Variants in BMS1 observed in about 807,000 individuals in gnomAD.
BMS1 encodes ribosome biogenesis protein BMS1 homolog.
In BMS1, 53 loss-of-function variants were observed where a neutral mutation model predicts 138.7. The observed-to-expected ratio is 0.38, with a 90% CI of 0.31 to 0.48. The LOEUF (loss-of-function observed/expected upper bound fraction) is 0.48. BMS1 is among the 20% of genes least tolerant of loss of function. The pLI, the probability that BMS1 is intolerant of heterozygous loss-of-function variation, is 0.97. For missense variants in BMS1, 1,360 were observed against 1,565.5 expected (o/e 0.87, Z 2.22); for synonymous variants, 504 against 539.9 (o/e 0.93, Z 0.92).
At chr10:42,796,231 T>G (rs1406560858) in intron 9 of BMS1, among the ~76,000 whole-genome samples, 4 of 152,258 alleles carry the variant, frequency 2.6e-5, no homozygotes, top group Non-Finnish European at 5.9e-5. Flanking sequence ...ATTTTTGTTT[T>G]TTAAGGGTTA....
At chr10:42,786,693 T>A (rs1318251965) in intron 3 of BMS1, among the ~76,000 whole-genome samples, 1 of 152,140 alleles carries the variant, frequency 6.6e-6, no homozygotes, top group Non-Finnish European at 1.5e-5. Flanking sequence ...CCCAAGTTGC[T>A]GGGACTACAG....
At chr10:42,830,158 A>G (rs10900276) in intron 21 of BMS1, 103 bp from the exon 22 acceptor site, 555,087 of 1,333,088 alleles carry the variant, frequency 0.42, 119,525 homozygotes, top group African/African-American at 0.6. Context: ...TGGTGTTACT[A>G]ATCTTGTGGA....
intron 9 of BMS1, among the ~76,000 whole-genome samples, chr10:42,796,203 AT>A (rs1158767414): frequency 6.6e-6 from 1 of 152,118 alleles, no homozygotes; most frequent in Non-Finnish European, 1.5e-5. Flanking sequence ...CTTTTGAGCA[AT>A]TTTTTTCTAA....
chr10:42,790,565 C>T, intron 5 of BMS1, 54 bp downstream of exon 5: 2 of 1,580,118 alleles, frequency 1.3e-6, no homozygotes, highest in Non-Finnish European at 1.7e-6. Context: ...TTAAAATAGA[C>T]TGAAGAGGCC....
In BMS1 at chr10:42,784,521, A is replaced by G. The variant is rs754826399; in HGVS notation, c.127A>G (p.Lys43Glu). The G allele has an allele frequency of 6.2e-7, 1 of 1,613,982 alleles. No homozygotes were observed. The highest frequency in any genetic ancestry group is 8.5e-7 in the Non-Finnish European group (1 of 1,179,856). ...AGAAGATGCCCGGAAGAGAAATCCCAAAGCTTTTGCAGTTCAGTCTGCTGT... is the reference window on the plus strand; with the variant it reads ...AGAAGATGCCCGGAAGAGAAATCCCGAAGCTTTTGCAGTTCAGTCTGCTGT... ...DEEDARKRNP[K>E]AFAVQSAVRM... Residue 43 changes from lysine to glutamate, a missense_variant, in exon 2 of 23, where the codon AAA (lysine) becomes GAA (glutamate). Around this residue, in one of 3 missense-constraint regions of BMS1, gnomAD observed 238 missense variants for 311.1 expected, o/e 0.77. Coordinates refer to ENST00000374518, the MANE Select transcript of BMS1 (RefSeq NM_014753.4).
At chr10:42,805,693 C>A (rs1053131672) in intron 13 of BMS1, among the ~76,000 whole-genome samples, 2 of 152,112 alleles carry the variant, frequency 1.3e-5, no homozygotes, top group Admixed American at 6.6e-5. Flanking sequence ...ATACAACTCT[C>A]AACAGTTTAT....
chr10:42,825,043 C>G (rs1260464428), intron 21 of BMS1, among the ~76,000 whole-genome samples: 1 of 152,086 alleles, frequency 6.6e-6, no homozygotes, highest in African/African-American at 2.4e-5. Context: ...AAGTCTCACT[C>G]TGTCGCCCAA....
At chr10:42,794,650 C>T (rs760212829) in intron 9 of BMS1, among the ~76,000 whole-genome samples, 3 of 151,620 alleles carry the variant, frequency 2.0e-5, no homozygotes, top group Non-Finnish European at 2.9e-5. Context: ...AATGGGATTA[C>T]TAGCTATTTT....
At position 42,820,408 on chromosome 10, in the gene BMS1, A is replaced by G. The variant is rs528987948; in HGVS notation, c.2753A>G (p.Asn918Ser). The G allele has an allele frequency of 1.1e-5, 18 of 1,613,762 alleles. No homozygotes were observed. The South Asian group carries it at 1.8e-4, about 16-fold the overall frequency. ...ILGGLGNSEG[N>S]VGYVQMRLKK... The stretch of plus-strand genomic sequence containing the variant: ...GGTGGCTTGGGCAACAGTGAGGGAA[A>G]TGTTGGCTACGTGCAGGTGGGTCCC... Residue 918 changes from asparagine (N) to serine (S), a missense_variant, in exon 16 of 23, where the codon AAT (asparagine) becomes AGT (serine). Asn to Ser is a conservative substitution (Grantham distance 46). Around this residue, in one of 3 missense-constraint regions of BMS1, gnomAD observed 425 missense variants for 568.3 expected, o/e 0.75. Coordinates refer to ENST00000374518, the MANE Select transcript of BMS1 (RefSeq NM_014753.4).
In BMS1 at chr10:42,823,753, G is replaced by A. The variant is rs1349527958; in HGVS notation, c.3425G>A (p.Arg1142Lys). 1.3e-6 allele frequency: 2 copies of A among 1,594,028 alleles called. No homozygotes were observed. The highest frequency in any genetic ancestry group is 2.7e-5 in the African/African-American group (2 of 74,876). Residue 1142 changes from arginine to lysine, a missense_variant, in exon 21 of 23, where the codon AGA becomes AAA. By Grantham distance (26) the Arg-to-Lys change is conservative. This residue lies in a region of BMS1 where 425 missense variants were observed against 568.3 expected (regional missense o/e 0.75). Coordinates refer to ENST00000374518, the MANE Select transcript of BMS1 (RefSeq NM_014753.4). ...CAACTCAGGCTCGCCCATGGCGTCA[G>A]ACTAAAGGCGAACAAGGACTCTCTG... ...TGQLRLAHGV[R>K]LKANKDSLYK...
chr10:42,827,676 A>T (rs1264806040), intron 21 of BMS1, among the ~76,000 whole-genome samples: 1 of 152,038 alleles, frequency 6.6e-6, no homozygotes, highest in Non-Finnish European at 1.5e-5. Context: ...TGGGGGGCAG[A>T]TATTTCCTTC....
chr10:42,818,388 G>A (rs1426330749), intron 15 of BMS1, among the ~76,000 whole-genome samples: 1 of 152,208 alleles, frequency 6.6e-6, no homozygotes, highest in Non-Finnish European at 1.5e-5. Flanking sequence ...GTCCTTGGAG[G>A]GTTTTGAGCA....
intron 21 of BMS1, among the ~76,000 whole-genome samples, chr10:42,824,434 C>T (rs1842584141): frequency 6.6e-6 from 1 of 152,154 alleles, no homozygotes; most frequent in Admixed American, 6.5e-5. Flanking sequence ...TCTATAGGTT[C>T]CCTTTTCATT....
chr10:42,790,298 G>C, intron 4 of BMS1, 25 bp from the exon 5 acceptor site: 1 of 1,611,566 alleles, frequency 6.2e-7, no homozygotes, highest in Non-Finnish European at 8.5e-7. Context: ...TAGTTTCTTT[G>C]AGAAATTATG....
At chr10:42,810,942 T>C (rs1471631913) in intron 13 of BMS1, among the ~76,000 whole-genome samples, 1 of 152,192 alleles carries the variant, frequency 6.6e-6, no homozygotes, top group East Asian at 1.9e-4. Flanking sequence ...TCGTAAAATT[T>C]ATTAATTTTG....
chr10:42,821,530 T>A (rs1842502461), intron 18 of BMS1, among the ~76,000 whole-genome samples: 1 of 147,552 alleles, frequency 6.8e-6, no homozygotes, highest in African/African-American at 2.5e-5. Context: ...CTCAGGAAAG[T>A]ACTCAAGGCG....
At chr10:42,787,291 G>A (rs1358270648) in intron 4 of BMS1, 44 bp downstream of exon 4, 3 of 851,586 alleles carry the variant, frequency 3.5e-6, no homozygotes, top group Non-Finnish European at 5.9e-6. Context: ...GAGACTTACA[G>A]CATTGTGATA....
At position 42,787,207 on chromosome 10, in the gene BMS1, A is replaced by T; in HGVS notation, c.407A>T (p.Asp136Val). 1 of 1,425,226 alleles carries T rather than the reference A, an allele frequency of 7.0e-7. No individual in the cohort carries two copies. Among genetic ancestry groups the T allele is most frequent in the Non-Finnish European group, 9.8e-7 (1 of 1,025,102 alleles). 88.3% of individuals were successfully genotyped at this position (1,425,226 alleles called of 1,614,324 possible). ...RRLTIIECGC[D>V]INMMIDLAKV... ...CTCACCATTATTGAATGTGGGTGTG[A>T]CATTAACATGATGATTGATCTGGCT... Residue 136 changes from aspartate to valine, a missense_variant, in exon 4 of 23, where the codon GAC becomes GTC. Physicochemically the swap from Asp to Val is radical, Grantham distance 152. Around this residue, in one of 3 missense-constraint regions of BMS1, gnomAD observed 238 missense variants for 311.1 expected, o/e 0.77. Transcript: ENST00000374518.
chr10:42,798,545 A>G lies in BMS1; in HGVS notation c.2167A>G (p.Arg723Gly), dbSNP rs1841768478. 2 of 1,614,276 alleles carry G rather than the reference A, an allele frequency of 1.2e-6. No individual in the cohort carries two copies. The highest frequency in any genetic ancestry group is 1.7e-6 in the Non-Finnish European group (2 of 1,180,044). ...GGLFRVNQPD[R>G]ECKHKADSLD... Reference sequence around the variant, plus strand: ...GTTGTTTCGTGTCAACCAGCCTGACAGAGAGTGTAAGCACAAGGCTGACTC... The same window carrying G: ...GTTGTTTCGTGTCAACCAGCCTGACGGAGAGTGTAAGCACAAGGCTGACTC... Residue 723 changes from arginine to glycine, a missense_variant, in exon 12 of 23, where the codon AGA becomes GGA. By Grantham distance (125) the Arg-to-Gly change is moderately radical. Transcript: ENST00000374518.
Sources: gnomAD v4.1 joint callset for allele counts (sites outside exome capture counted in the v4.1 genomes callset) on GRCh38, gnomAD v4.1.1 for gene constraint, gnomAD v4.1.1 regional missense constraint, MANE v1.5 for transcripts, NCBI Gene and HGNC (gene_info 2026-07-23, HGNC 2026-07-21) for gene names.